KRAS: variants seen among roughly 807,000 people sequenced by gnomAD.
KRAS encodes the protein GTPase KRas.
Under a neutral mutation model 21.0 loss-of-function variants are expected in KRAS, and 1 was observed. The observed-to-expected ratio is 0.05, with a 90% CI of 0.02 to 0.23. The LOEUF (loss-of-function observed/expected upper bound fraction) is 0.23. KRAS is among the 10% of genes least tolerant of loss of function. KRAS has a pLI of 1.00. For synonymous variants in KRAS, 67 were observed against 72.5 expected (o/e 0.92, Z 0.39); for missense variants, 107 against 221.8 (o/e 0.48, Z 3.29).
In KRAS at chr12:25,216,013, C is replaced by T. The variant is rs180793636; in HGVS notation, c.451-6102G>A. 2.9e-3 allele frequency among the ~76,000 whole-genome samples: 436 copies of T among 152,190 alleles called. 4 individuals are homozygous for T. Among genetic ancestry groups the T allele is most frequent in the South Asian group, 0.01 (49 of 4,822 alleles). ...GAGAAGAAAAATGGTAAAATATGGACGTGAAACCTTTGTTAAAAAACAACA... is the reference window on the plus strand; with the variant it reads ...GAGAAGAAAAATGGTAAAATATGGATGTGAAACCTTTGTTAAAAAACAACA... On this transcript the variant is annotated intron_variant, in intron 4 of 4. Transcript: ENST00000311936.
rs1317448097 is a variant in KRAS, at chr12:25,208,709, C to G, written c.*1086G>C. On this transcript the variant is annotated 3_prime_UTR_variant, in exon 5 of 5. Coordinates refer to ENST00000311936, the MANE Select transcript of KRAS (RefSeq NM_004985.5). ...CTAGTCCCTCCCCATTTTGACTAAC[C>G]AATGCATGACAACACTGGATGACCG... The G allele has an allele frequency of 4.3e-6, 1 of 232,840 alleles. No homozygotes were observed. The highest frequency in any genetic ancestry group is 2.2e-5 in the African/African-American group (1 of 45,402). 14.4% of individuals were successfully genotyped at this position (232,840 alleles called of 1,614,324 possible).
At chr12:25,246,362 A>G (rs907033447) in intron 1 of KRAS, among the ~76,000 whole-genome samples, 2 of 152,146 alleles carry the variant, frequency 1.3e-5, no homozygotes, top group African/African-American at 4.8e-5. Flanking sequence ...GTTCAAGACC[A>G]GCCTGGCCAA....
intron 2 of KRAS, among the ~76,000 whole-genome samples, chr12:25,244,873 A>C (rs1164520616): frequency 1.1e-4 from 16 of 152,338 alleles, no homozygotes; most frequent in Admixed American, 9.2e-4. Context: ...GTTTAAAAAA[A>C]TCAACCATCA....
At chr12:25,222,157 AAAAC>A (rs1951334909) in intron 4 of KRAS, among the ~76,000 whole-genome samples, 1 of 149,840 alleles carries the variant, frequency 6.7e-6, no homozygotes, top group Non-Finnish European at 1.5e-5. Context: ...TCAAAAAAAA[AAAAC>A]AAGAAAGAAA....
chr12:25,249,310 T>C (rs1242328938), intron 1 of KRAS, among the ~76,000 whole-genome samples: 2 of 152,032 alleles, frequency 1.3e-5, no homozygotes, highest in Non-Finnish European at 2.9e-5. Flanking sequence ...GGCAGGAGAA[T>C]TGCTTGAATG....
intron 4 of KRAS, among the ~76,000 whole-genome samples, chr12:25,219,011 C>T (rs1951287509): frequency 6.6e-6 from 1 of 151,334 alleles, no homozygotes; most frequent in East Asian, 1.9e-4. Flanking sequence ...GCAATCTCGG[C>T]TCACTGCAAC....
chr12:25,245,280 T>C lies in KRAS; in HGVS notation c.105A>G (p.Thr35=), dbSNP rs1200667508. Residue 35 remains threonine (T), a synonymous_variant, in exon 2 of 5, where the codon ACA becomes ACG. Transcript: ENST00000311936. Reference sequence around the variant, plus strand: ...ATATTAAAACAAGATTTACCTCTATTGTTGGATCATATTCGTCCACAAAAT... The same window carrying C: ...ATATTAAAACAAGATTTACCTCTATCGTTGGATCATATTCGTCCACAAAAT... ...QNHFVDEYDP[T]IEDSYRKQVV... 1.9e-6 allele frequency: 3 copies of C among 1,607,774 alleles called. No homozygotes were observed. Among genetic ancestry groups the C allele is most frequent in the Admixed American group, 1.7e-5 (1 of 59,644 alleles).
chr12:25,238,416 C>T (rs1203890960), intron 2 of KRAS, among the ~76,000 whole-genome samples: 1 of 152,098 alleles, frequency 6.6e-6, no homozygotes, highest in Non-Finnish European at 1.5e-5. Context: ...ATATTATATA[C>T]CTCTCATATT....
At chr12:25,210,374 T>TA (rs1259852154) in intron 4 of KRAS, among the ~76,000 whole-genome samples, 4 of 152,168 alleles carry the variant, frequency 2.6e-5, no homozygotes, top group African/African-American at 9.6e-5. Context: ...GTTCTATACT[T>TA]ACGTAAAATC....
intron 2 of KRAS, among the ~76,000 whole-genome samples, chr12:25,228,309 C>T (rs550672706): frequency 6.7e-6 from 1 of 149,964 alleles, no homozygotes; most frequent in East Asian, 2.0e-4. Context: ...AGCCACTGAG[C>T]TCCATCTGAT....
At chr12:25,217,443 G>A (rs1012641159) in intron 4 of KRAS, among the ~76,000 whole-genome samples, 5 of 152,072 alleles carry the variant, frequency 3.3e-5, no homozygotes, top group East Asian at 1.9e-4. Context: ...GTTAAAATGC[G>A]TATCTCAAGT....
At position 25,208,128 on chromosome 12, in the gene KRAS, G is replaced by C; in HGVS notation, c.*1667C>G. On this transcript the variant is annotated 3_prime_UTR_variant, in exon 5 of 5. Coordinates refer to ENST00000311936, the MANE Select transcript of KRAS (RefSeq NM_004985.5). ...AGATTGTGCTGAGCTTGACAAATAAGTGTATCCTTATGTAAATGGAATATA... is the reference window on the plus strand; with the variant it reads ...AGATTGTGCTGAGCTTGACAAATAACTGTATCCTTATGTAAATGGAATATA... 1 of 232,634 alleles carries C rather than the reference G, an allele frequency of 4.3e-6. No individual in the cohort carries two copies. Among genetic ancestry groups the C allele is most frequent in the Non-Finnish European group, 8.5e-6 (1 of 117,678 alleles). The allele number at this position is 232,634 out of a possible 1,614,324, so 14.4% of individuals were successfully genotyped here. A position where few individuals can be genotyped will look rare whatever the true frequency, so the allele number is the denominator to read the frequency against.
intron 2 of KRAS, among the ~76,000 whole-genome samples, chr12:25,242,415 A>C (rs928009277): frequency 3.9e-5 from 6 of 152,156 alleles, no homozygotes; most frequent in African/African-American, 1.4e-4. Flanking sequence ...CAGGGTTTTG[A>C]TAATAAATGA....
Position 25,205,866 on chromosome 12 carries a change from A to T in KRAS, c.*3929T>A, listed in dbSNP as rs1347212877. On this transcript the variant is annotated 3_prime_UTR_variant, in exon 5 of 5. Coordinates refer to ENST00000311936, the MANE Select transcript of KRAS (RefSeq NM_004985.5). ...CATGTGAGTATCTTTCTTTAGAAAG[A>T]AAGTTTCATTTTATGACAGCTATTC... The T allele has an allele frequency of 1.4e-5, 3 of 216,450 alleles. No individual in the cohort carries two copies. The highest frequency in any genetic ancestry group is 5.8e-5 in the Admixed American group (1 of 17,224). The allele number at this position is 216,450 out of a possible 1,614,324, so 13.4% of individuals were successfully genotyped here.
intron 1 of KRAS, among the ~76,000 whole-genome samples, chr12:25,248,982 T>C (rs1398281421): frequency 6.6e-6 from 1 of 152,234 alleles, no homozygotes; most frequent in African/African-American, 2.4e-5. Context: ...TTATGGTTAA[T>C]TCTGAGCTGA....
chr12:25,213,175 C>T (rs1951216564), intron 4 of KRAS, among the ~76,000 whole-genome samples: 1 of 152,150 alleles, frequency 6.6e-6, no homozygotes, highest in Admixed American at 6.5e-5. Flanking sequence ...GGATTCGTCA[C>T]ATCAAACAAT....
chr12:25,241,440 G>C (rs1183052124), intron 2 of KRAS, among the ~76,000 whole-genome samples: 2 of 152,188 alleles, frequency 1.3e-5, no homozygotes, highest in Non-Finnish European at 2.9e-5. Flanking sequence ...ATTGCTGTGT[G>C]TCTCTGATTT....
intron 4 of KRAS, among the ~76,000 whole-genome samples, chr12:25,222,160 AC>A (rs1448400428): frequency 7.0e-6 from 1 of 142,718 alleles, no homozygotes. Context: ...AAAAAAAAAA[AC>A]AAGAAAGAAA....
intron 4 of KRAS, among the ~76,000 whole-genome samples, chr12:25,214,873 A>C (rs61762443): frequency 7.2e-5 from 11 of 152,318 alleles, no homozygotes; most frequent in Non-Finnish European, 1.5e-4. Context: ...CAGGGGGAAA[A>C]GAGGGCGGTA....
Sources: gnomAD v4.1 joint callset for allele counts (sites outside exome capture counted in the v4.1 genomes callset) on GRCh38, gnomAD v4.1.1 for gene constraint, MANE v1.5 for transcripts, NCBI Gene and HGNC (gene_info 2026-07-23, HGNC 2026-07-21) for gene names.